MYO3A: variants seen among roughly 807,000 people sequenced by gnomAD.
MYO3A encodes the protein myosin IIIA.
Under a neutral mutation model 192.7 loss-of-function variants are expected in MYO3A, and 180 were observed. The ratio of observed to expected loss-of-function variants is 0.93; its 90% CI spans 0.83 to 1.06. MYO3A has a LOEUF of 1.06. MYO3A is among the 50% of genes least tolerant of loss of function. The pLI, the probability that MYO3A is intolerant of heterozygous loss-of-function variation, is 0.00. For synonymous variants in MYO3A, 628 were observed against 645.3 expected (o/e 0.97, Z 0.41); for missense variants, 1,896 against 1,905.0 (o/e 1.00, Z 0.09).
chr10:26,088,387 G>C lies in MYO3A; in HGVS notation c.1544G>C (p.Arg515Pro). 2 of 1,613,672 alleles carry C rather than the reference G, an allele frequency of 1.2e-6. No individual in the cohort carries two copies. Among genetic ancestry groups the C allele is most frequent in the Non-Finnish European group, 8.5e-7 (1 of 1,179,714 alleles). The change falls in exon 15 of 35, where the codon CGA (arginine) becomes CCA (proline). Residue 515 changes from arginine to proline, a missense_variant. Arg to Pro is a moderately radical substitution (Grantham distance 103). Transcript: ENST00000642920. ...TCTGAATATCTCCTGGAAAAATCCC[G>C]AGTTATCCACCAAGCTATGTAAGTT... ...QISEYLLEKSRVIHQAIGEKN... is the reference protein window; with the variant it reads ...QISEYLLEKSPVIHQAIGEKN...
At chr10:26,210,118 G>A (rs1476834876) in intron 34 of MYO3A, among the ~76,000 whole-genome samples, 2 of 116,366 alleles carry the variant, frequency 1.7e-5, no homozygotes, top group Admixed American at 7.8e-5. Flanking sequence ...GAGAGAGAAG[G>A]GAGGGAGGGA....
intron 18 of MYO3A, 123 bp from the exon 19 acceptor site, chr10:26,125,275 A>G (rs1395858742): frequency 1.1e-6 from 1 of 888,996 alleles, no homozygotes; most frequent in Non-Finnish European, 1.8e-6. Flanking sequence ...ATATTTTTAC[A>G]TTACATAATC....
intron 2 of MYO3A, among the ~76,000 whole-genome samples, chr10:25,940,991 C>T (rs1421314828): frequency 2.6e-5 from 4 of 152,142 alleles, no homozygotes; most frequent in African/African-American, 9.7e-5. Flanking sequence ...TATTGATTGC[C>T]TTTTCTCCAT....
intron 14 of MYO3A, among the ~76,000 whole-genome samples, chr10:26,083,870 G>T (rs1458803563): frequency 6.6e-6 from 1 of 152,138 alleles, no homozygotes; most frequent in Non-Finnish European, 1.5e-5. Context: ...ATAATTGTAG[G>T]TAGCTCCTGT....
At chr10:26,126,325 C>G (rs1839212192) in intron 19 of MYO3A, among the ~76,000 whole-genome samples, 1 of 152,110 alleles carries the variant, frequency 6.6e-6, no homozygotes, top group Non-Finnish European at 1.5e-5. Flanking sequence ...AGATGGATGC[C>G]TACCATAAGA....
rs746307707 is a variant in MYO3A, at chr10:26,157,389, G to A, written c.2873G>A (p.Arg958His). 95 of 1,614,076 alleles carry A rather than the reference G, an allele frequency of 5.9e-5. No individual in the cohort carries two copies. Among genetic ancestry groups the A allele is most frequent in the South Asian group, 2.9e-4 (26 of 91,082 alleles). The change falls in exon 26 of 35, where the codon CGT becomes CAT. Residue 958 changes from arginine to histidine, a missense_variant. Coordinates refer to ENST00000642920, the MANE Select transcript of MYO3A (RefSeq NM_017433.5). ...FVRCIKPNSERQARKYDKEKV... is the reference protein window; with the variant it reads ...FVRCIKPNSEHQARKYDKEKV... ...CGTTGCATCAAACCAAATAGTGAGCGTCAGGCAAGAAAATATGACAAAGAG... is the reference window on the plus strand; with the variant it reads ...CGTTGCATCAAACCAAATAGTGAGCATCAGGCAAGAAAATATGACAAAGAG...
chr10:26,209,065 C>T (rs1844104402), intron 34 of MYO3A, among the ~76,000 whole-genome samples: 1 of 152,204 alleles, frequency 6.6e-6, no homozygotes, highest in South Asian at 2.1e-4. Context: ...TCCTCAAACC[C>T]TCCAAACTTC....
chr10:26,183,036 A>C (rs950419508), intron 31 of MYO3A, among the ~76,000 whole-genome samples: 2 of 152,208 alleles, frequency 1.3e-5, no homozygotes, highest in Admixed American at 1.3e-4. Flanking sequence ...ATGCGAGATG[A>C]CAGCCCAAGG....
At chr10:26,036,052 G>C (rs1024874546) in intron 10 of MYO3A, among the ~76,000 whole-genome samples, 9 of 151,880 alleles carry the variant, frequency 5.9e-5, no homozygotes, top group African/African-American at 1.9e-4. Context: ...TCCTGCCTCA[G>C]CCTCCCAAGT....
intron 4 of MYO3A, among the ~76,000 whole-genome samples, chr10:25,982,005 C>G (rs1373288549): frequency 2.0e-5 from 3 of 152,168 alleles, no homozygotes; most frequent in Non-Finnish European, 4.4e-5. Context: ...GCTCTCAGCC[C>G]TGGTTACCAG....
At chr10:26,196,080 A>AT (rs1274843069) in intron 32 of MYO3A, among the ~76,000 whole-genome samples, 2 of 152,256 alleles carry the variant, frequency 1.3e-5, no homozygotes, top group Non-Finnish European at 2.9e-5. Flanking sequence ...AAGAAATGAA[A>AT]TTGATTTTTT....
intron 17 of MYO3A, among the ~76,000 whole-genome samples, chr10:26,114,274 T>C (rs1838372960): frequency 6.6e-6 from 1 of 152,122 alleles, no homozygotes; most frequent in Non-Finnish European, 1.5e-5. Flanking sequence ...CCCAGTCCTC[T>C]CTCACATGGG....
intron 4 of MYO3A, among the ~76,000 whole-genome samples, chr10:25,959,076 T>G (rs76702061): frequency 6.6e-6 from 1 of 152,096 alleles, no homozygotes; most frequent in East Asian, 1.9e-4. Context: ...GCCAAGACCA[T>G]GGAATTTTCT....
chr10:26,053,511 C>G (rs188077976), intron 10 of MYO3A, among the ~76,000 whole-genome samples: 4 of 152,236 alleles, frequency 2.6e-5, no homozygotes, highest in African/African-American at 9.6e-5. Context: ...TGTAGTATAT[C>G]ACATGGTGAT....
intron 17 of MYO3A, among the ~76,000 whole-genome samples, chr10:26,106,529 A>G (rs1427516036): frequency 1.3e-5 from 2 of 152,142 alleles, no homozygotes; most frequent in African/African-American, 4.8e-5. Flanking sequence ...ATCTAAGACT[A>G]GTCTAAGTCA....
At chr10:26,193,341 G>A (rs1293458706) in intron 32 of MYO3A, 30 bp downstream of exon 32, 10 of 1,535,400 alleles carry the variant, frequency 6.5e-6, no homozygotes, top group South Asian at 1.1e-5. Flanking sequence ...TATCAGATGG[G>A]AGCCATCACA....
chr10:26,054,772 A>C (rs531776786), intron 10 of MYO3A, among the ~76,000 whole-genome samples: 1 of 152,364 alleles, frequency 6.6e-6, no homozygotes, highest in East Asian at 1.9e-4. Flanking sequence ...TACAGCCTCC[A>C]GAAACTGGAA....
At chr10:25,944,541 T>C (rs552905080) in intron 2 of MYO3A, among the ~76,000 whole-genome samples, 65 of 152,136 alleles carry the variant, frequency 4.3e-4, no homozygotes, top group Admixed American at 2.9e-3. Context: ...ATTTTGTTGT[T>C]ATTGTGGTAG....
At chr10:26,038,955 G>C (rs932898678) in intron 10 of MYO3A, among the ~76,000 whole-genome samples, 2 of 152,092 alleles carry the variant, frequency 1.3e-5, no homozygotes, top group African/African-American at 2.4e-5. Context: ...CACATTGATT[G>C]ATTTGCATAT....
Sources: gnomAD v4.1 joint callset for allele counts (sites outside exome capture counted in the v4.1 genomes callset) on GRCh38, gnomAD v4.1.1 for gene constraint, MANE v1.5 for transcripts, NCBI Gene and HGNC (gene_info 2026-07-23, HGNC 2026-07-21) for gene names.